The following ZFPM2 variants were observed in gnomAD, a reference collection of about 807,000 sequenced individuals.
ZFPM2 encodes zinc finger protein ZFPM2.
A neutral mutation model predicts 98.6 loss-of-function variants in ZFPM2; 20 were observed. That is an observed-to-expected ratio of 0.20 (90% CI 0.14 to 0.29). The LOEUF is 0.29. ZFPM2 is among the 10% of genes least tolerant of loss of function. ZFPM2 has a pLI of 1.00. For synonymous variants in ZFPM2, 518 were observed against 502.7 expected (o/e 1.03, Z -0.41); for missense variants, 1,310 against 1,388.6 (o/e 0.94, Z 0.90).
intron 4 of ZFPM2, among the ~76,000 whole-genome samples, chr8:105,572,033 CTTTTTT>C (rs869198147): frequency 1.9e-5 from 2 of 103,372 alleles, no homozygotes; most frequent in Admixed American, 1.2e-4. Context: ...GGGTAAATTT[CTTTTTT>C]TTTTTTTTTT....
chr8:105,333,212 C>T (rs556654640), intron 1 of ZFPM2, among the ~76,000 whole-genome samples: 1 of 151,780 alleles, frequency 6.6e-6, no homozygotes, highest in South Asian at 2.1e-4. Flanking sequence ...AACCTTAGAC[C>T]TTCTGTGCTA....
At chr8:105,404,252 G>A (rs1811397108) in intron 1 of ZFPM2, among the ~76,000 whole-genome samples, 1 of 151,978 alleles carries the variant, frequency 6.6e-6, no homozygotes, top group Admixed American at 6.6e-5. Flanking sequence ...GTGGCTTTGC[G>A]GCTTCATCCA....
chr8:105,740,572 T>C (rs1735260380), intron 5 of ZFPM2, among the ~76,000 whole-genome samples: 1 of 148,134 alleles, frequency 6.8e-6, no homozygotes, highest in Admixed American at 6.8e-5. Flanking sequence ...GTGTTATATA[T>C]GTATATATAA....
intron 5 of ZFPM2, among the ~76,000 whole-genome samples, chr8:105,752,708 T>C (rs1169324666): frequency 1.6e-4 from 25 of 152,156 alleles, no homozygotes; most frequent in Admixed American, 1.6e-3. Context: ...TCATTTGTGC[T>C]TCCAACCCTA....
chr8:105,601,017 T>C (rs1742704266), intron 4 of ZFPM2, among the ~76,000 whole-genome samples: 1 of 152,138 alleles, frequency 6.6e-6, no homozygotes, highest in African/African-American at 2.4e-5. Context: ...AATCTTCTCC[T>C]AACAGTCTAA....
chr8:105,488,424 C>A lies in ZFPM2; in HGVS notation c.301+44043C>A, dbSNP rs547660381. On this transcript the variant is annotated intron_variant, in intron 3 of 7. Transcript: ENST00000407775. Reference sequence around the variant, plus strand: ...TAAATAGTTTCTGCAACATTTGGATCTTCATTATTTCCATTTTGCAGAATA... The same window carrying A: ...TAAATAGTTTCTGCAACATTTGGATATTCATTATTTCCATTTTGCAGAATA... Among the ~76,000 whole-genome samples the A allele has an allele frequency of 2.0e-5, 3 of 152,160 alleles. No homozygotes were observed. The South Asian group carries it at 6.2e-4, about 32-fold the overall frequency.
At chr8:105,570,612 C>T (rs961681570) in intron 4 of ZFPM2, among the ~76,000 whole-genome samples, 3 of 152,240 alleles carry the variant, frequency 2.0e-5, no homozygotes, top group African/African-American at 7.2e-5. Context: ...TGTGCCCTTC[C>T]TGATAATTTT....
intron 2 of ZFPM2, among the ~76,000 whole-genome samples, chr8:105,422,362 C>T (rs188008670): frequency 6.6e-6 from 1 of 152,058 alleles, no homozygotes; most frequent in Non-Finnish European, 1.5e-5. Context: ...TGCTTGAACC[C>T]GGGAGGTGGT....
intron 3 of ZFPM2, among the ~76,000 whole-genome samples, chr8:105,494,899 A>C (rs767101079): frequency 6.6e-6 from 1 of 152,254 alleles, no homozygotes; most frequent in African/African-American, 2.4e-5. Flanking sequence ...AGAAAGACAA[A>C]TGTCCACAAA....
Position 105,374,889 on chromosome 8 carries a change from A to ATT in ZFPM2, c.41-44245_41-44244dup, listed in dbSNP as rs201108334. 5.4e-5 allele frequency among the ~76,000 whole-genome samples: 8 copies of ATT among 147,576 alleles called. No homozygotes were observed. In the East Asian group the frequency reaches 9.9e-4, roughly 18 times the overall value. On this transcript the variant is annotated intron_variant, in intron 1 of 7. Coordinates refer to ENST00000407775, the MANE Select transcript of ZFPM2 (RefSeq NM_012082.4). ...TCCAGTTTATGGGAGTAAAGACAAC[A>ATT]TTTTTTTTTTTGGGTTCAGAACCTC...
chr8:105,607,528 G>C (rs1213056280), intron 4 of ZFPM2, among the ~76,000 whole-genome samples: 1 of 152,076 alleles, frequency 6.6e-6, no homozygotes, highest in Non-Finnish European at 1.5e-5. Context: ...TGACCTTTGA[G>C]AACCTTGAGT....
chr8:105,604,379 T>A (rs1414675510), intron 4 of ZFPM2, among the ~76,000 whole-genome samples: 1 of 152,012 alleles, frequency 6.6e-6, no homozygotes, highest in Non-Finnish European at 1.5e-5. Flanking sequence ...CTTGTTTCTA[T>A]TTATCCTTGT....
At chr8:105,711,001 T>A (rs184731842) in intron 5 of ZFPM2, among the ~76,000 whole-genome samples, 19 of 152,202 alleles carry the variant, frequency 1.2e-4, no homozygotes, top group Non-Finnish European at 2.4e-4. Context: ...CAACTTAATA[T>A]CTTGATGTAA....
At chr8:105,631,792 A>G (rs1375949535) in intron 4 of ZFPM2, among the ~76,000 whole-genome samples, 2 of 152,182 alleles carry the variant, frequency 1.3e-5, no homozygotes, top group South Asian at 2.1e-4. Context: ...TGGAAAATCA[A>G]TTGATTTACT....
intron 3 of ZFPM2, among the ~76,000 whole-genome samples, chr8:105,495,658 A>T (rs568391148): frequency 6.6e-6 from 1 of 152,272 alleles, no homozygotes; most frequent in South Asian, 2.1e-4. Context: ...AGTCCACATC[A>T]ACTGCAAAAC....
intron 5 of ZFPM2, among the ~76,000 whole-genome samples, chr8:105,709,230 A>T (rs1027275021): frequency 6.6e-6 from 1 of 152,186 alleles, no homozygotes; most frequent in African/African-American, 2.4e-5. Flanking sequence ...AAATCATTGA[A>T]TGCAACATTT....
chr8:105,730,201 A>G, intron 5 of ZFPM2, among the ~76,000 whole-genome samples: 1 of 151,712 alleles, frequency 6.6e-6, no homozygotes, highest in East Asian at 2.0e-4. Flanking sequence ...AGTGTCATTT[A>G]CAATGCTCTG....
At chr8:105,647,528 C>G (rs9297368) in intron 5 of ZFPM2, among the ~76,000 whole-genome samples, 6 of 146,316 alleles carry the variant, frequency 4.1e-5, no homozygotes, top group Non-Finnish European at 9.0e-5. Context: ...CCCTCCCGCC[C>G]CCCCCCACCC....
intron 5 of ZFPM2, among the ~76,000 whole-genome samples, chr8:105,723,502 G>T (rs1487852222): frequency 1.3e-5 from 2 of 151,786 alleles, no homozygotes; most frequent in African/African-American, 2.4e-5. Context: ...AGATCCGGGT[G>T]GCCAGGGACA....
Sources: gnomAD v4.1 joint callset for allele counts (sites outside exome capture counted in the v4.1 genomes callset) on GRCh38, gnomAD v4.1.1 for gene constraint, MANE v1.5 for transcripts, NCBI Gene and HGNC (gene_info 2026-07-23, HGNC 2026-07-21) for gene names.